The following OTUD7A variants were observed in gnomAD, a reference collection of about 807,000 sequenced individuals.
The protein encoded by OTUD7A is OTU domain-containing protein 7A.
OTUD7A carries 12 observed loss-of-function variants against 65.7 expected under a neutral mutation model. The ratio of observed to expected loss-of-function variants is 0.18; its 90% CI spans 0.12 to 0.30. The LOEUF (loss-of-function observed/expected upper bound fraction) is 0.30, where lower values mean the gene tolerates loss of function less well. Ranked by LOEUF, OTUD7A falls within the 10% of genes least tolerant of loss-of-function variation. The pLI is 1.00. For synonymous variants in OTUD7A, 641 were observed against 586.3 expected, an observed-to-expected ratio of 1.09 and a Z score of -1.35; for missense variants, 1,148 against 1,304.8, an observed-to-expected ratio of 0.88 and a Z score of 1.85.
chr15:31,508,470 C>T (rs1430161280), intron 8 of OTUD7A, among the ~76,000 whole-genome samples: 1 of 152,244 alleles, frequency 6.6e-6, no homozygotes, highest in African/African-American at 2.4e-5. Context: ...CCGCCTCAGC[C>T]TCCCCAGTAG....
At chr15:31,612,905 C>T (rs751322301) in intron 3 of OTUD7A, among the ~76,000 whole-genome samples, 2 of 152,128 alleles carry the variant, frequency 1.3e-5, no homozygotes, top group Admixed American at 1.3e-4. Flanking sequence ...TACTTTAAGG[C>T]CATAGTCACC....
At chr15:31,704,915 C>G (rs532169157) in intron 1 of OTUD7A, among the ~76,000 whole-genome samples, 1 of 151,914 alleles carries the variant, frequency 6.6e-6, no homozygotes, top group East Asian at 2.0e-4. Flanking sequence ...CAAAGAAAAC[C>G]CCCCTGGATA....
chr15:31,860,710 T>G (rs1377478328), intron 1 of OTUD7A, among the ~76,000 whole-genome samples: 1 of 139,340 alleles, frequency 7.2e-6, no homozygotes, highest in Non-Finnish European at 1.5e-5. Flanking sequence ...TGTATGTATA[T>G]ATATATATTT....
intron 1 of OTUD7A, among the ~76,000 whole-genome samples, chr15:31,759,853 C>G (rs1436139175): frequency 6.6e-6 from 1 of 152,124 alleles, no homozygotes; most frequent in African/African-American, 2.4e-5. Context: ...ACATAATATT[C>G]ATGCTTTGTC....
chr15:31,817,470 C>G (rs1896579871), intron 1 of OTUD7A, among the ~76,000 whole-genome samples: 2 of 152,104 alleles, frequency 1.3e-5, no homozygotes. Flanking sequence ...TCCAGAAATT[C>G]AATATAATTT....
intron 1 of OTUD7A, among the ~76,000 whole-genome samples, chr15:31,662,284 T>C (rs1227679797): frequency 1.3e-5 from 2 of 152,248 alleles, no homozygotes; most frequent in Admixed American, 1.3e-4. Flanking sequence ...GGTAGACACC[T>C]AATAGAAAAG....
chr15:31,493,439 C>G (rs1387450566), intron 10 of OTUD7A, among the ~76,000 whole-genome samples: 1 of 152,204 alleles, frequency 6.6e-6, no homozygotes, highest in Non-Finnish European at 1.5e-5. Context: ...CAGCTGCAGA[C>G]TTTGCTACTT....
chr15:31,771,772 C>G (rs1336011015), intron 1 of OTUD7A, among the ~76,000 whole-genome samples: 1 of 152,172 alleles, frequency 6.6e-6, no homozygotes. Context: ...ACCAGACCCC[C>G]CTCTCCAACC....
In OTUD7A at chr15:31,483,372, G is replaced by C. The variant is rs750152238; in HGVS notation, c.2724C>G (p.Ala908=). The C allele has an allele frequency of 2.3e-6, 3 of 1,302,620 alleles. No homozygotes were observed. The highest frequency in any genetic ancestry group is 3.8e-5 in the Admixed American group (1 of 26,116). 80.7% of individuals were successfully genotyped at this position (1,302,620 alleles called of 1,614,324 possible). ...AGTAGGAGCAGTAGTGCTCGGTCTC[G>C]GCGCGCCCGTAGAACGCACAGTTCT... ...QRENCAFYGR[A]ETEHYCSYCY... is the part of the protein sequence containing the mutation. The change falls in exon 13 of 13, where the codon GCC becomes GCG. Residue 908 remains alanine, a synonymous_variant. Transcript: ENST00000307050.
intron 1 of OTUD7A, among the ~76,000 whole-genome samples, chr15:31,670,351 G>C (rs35080830): frequency 6.6e-6 from 1 of 151,714 alleles, no homozygotes; most frequent in African/African-American, 2.4e-5. Context: ...TTGAGGAATC[G>C]CCACACTGTT....
intron 1 of OTUD7A, among the ~76,000 whole-genome samples, chr15:31,797,999 T>C (rs186687865): frequency 5.4e-4 from 82 of 152,270 alleles, no homozygotes; most frequent in African/African-American, 1.8e-3. Context: ...GACACCCGCC[T>C]TTTCACTGCG....
rs760027766 is a variant in OTUD7A at position 31,539,021 on chromosome 15, C to T, written c.551-8213G>A. On this transcript the variant is annotated intron_variant, in intron 5 of 12. Transcript: ENST00000307050. ...TATGTGCTGTACACAATGTTTATTC[C>T]TCTGCCACCGGTTCTGGGGAGGCGC... Among the ~76,000 whole-genome samples the T allele has an allele frequency of 8.5e-5, 13 of 152,236 alleles. No homozygotes were observed. In the East Asian group the frequency reaches 2.3e-3, roughly 27 times the overall value.
intron 3 of OTUD7A, among the ~76,000 whole-genome samples, chr15:31,624,003 G>A (rs1890879866): frequency 1.3e-5 from 2 of 152,214 alleles, no homozygotes; most frequent in Non-Finnish European, 1.5e-5. Flanking sequence ...CTAGAGGTAT[G>A]CAATACTTCA....
intron 5 of OTUD7A, among the ~76,000 whole-genome samples, chr15:31,544,462 C>G (rs187271541): frequency 6.6e-6 from 1 of 151,658 alleles, no homozygotes; most frequent in Non-Finnish European, 1.5e-5. Flanking sequence ...AGAGAACTTA[C>G]ATGGTCTGTA....
At chr15:31,493,239 C>A (rs1414321933) in intron 10 of OTUD7A, among the ~76,000 whole-genome samples, 1 of 151,830 alleles carries the variant, frequency 6.6e-6, no homozygotes. Context: ...GCTAGAGTAG[C>A]CATATTTATG....
chr15:31,633,939 T>A (rs1298298696), intron 3 of OTUD7A, among the ~76,000 whole-genome samples: 1 of 152,226 alleles, frequency 6.6e-6, no homozygotes, highest in Non-Finnish European at 1.5e-5. Flanking sequence ...ATAGGTTTTG[T>A]TGAGTGGCCT....
At chr15:31,622,287 T>C (rs940247158) in intron 3 of OTUD7A, among the ~76,000 whole-genome samples, 2 of 152,180 alleles carry the variant, frequency 1.3e-5, no homozygotes, top group African/African-American at 4.8e-5. Flanking sequence ...GTTCTCTGTA[T>C]TTCCTGAATG....
intron 1 of OTUD7A, among the ~76,000 whole-genome samples, chr15:31,786,129 AGAGTCCCC>A (rs1895667855): frequency 6.6e-6 from 1 of 152,114 alleles, no homozygotes; most frequent in South Asian, 2.1e-4. Flanking sequence ...GGGACTCTGC[AGAGTCCCC>A]ACCAGCAAGA....
At chr15:31,653,324 T>C (rs2141275974) in intron 3 of OTUD7A, among the ~76,000 whole-genome samples, 1 of 152,114 alleles carries the variant, frequency 6.6e-6, no homozygotes. Flanking sequence ...TAAATGTTTC[T>C]AGAAGCTCTA....
Sources: allele counts gnomAD v4.1 joint callset (sites outside exome capture counted in the v4.1 genomes callset), GRCh38; gene constraint gnomAD v4.1.1; transcripts MANE v1.5; gene names NCBI Gene and HGNC (gene_info 2026-07-23, HGNC 2026-07-21).